ERCC6L: variants seen among roughly 807,000 people sequenced by gnomAD.
ERCC6L encodes the protein ERCC excision repair 6 like, spindle assembly checkpoint helicase.
ERCC6L carries 7 observed loss-of-function variants against 20.1 expected under a neutral mutation model. The observed-to-expected ratio is 0.35, with a 90% CI of 0.20 to 0.65. ERCC6L has a LOEUF of 0.65. Ranked by LOEUF, ERCC6L falls within the 30% of genes least tolerant of loss-of-function variation. The pLI is 0.69. For missense variants in ERCC6L, 592 were observed against 892.4 expected (o/e 0.66, Z 4.29); for synonymous variants, 278 against 331.3 (o/e 0.84, Z 1.75).
Position 72,239,015 on chromosome X carries a change from C to T in ERCC6L, c.-104G>A. 1 of 821,663 alleles carries T rather than the reference C, an allele frequency of 1.2e-6. No individual in the cohort carries two copies. Among genetic ancestry groups the T allele is most frequent in the Non-Finnish European group, 1.7e-6 (1 of 572,622 alleles). 67.7% of individuals were successfully genotyped at this position (821,663 alleles called of 1,213,427 possible). Reference sequence around the variant, plus strand: ...TTTGGAGCTTGAATTTCGCTCACTCCCGCCCCGCGCATGCTCTGTGCGCCG... The same window carrying T: ...TTTGGAGCTTGAATTTCGCTCACTCTCGCCCCGCGCATGCTCTGTGCGCCG... On this transcript the variant is annotated 5_prime_UTR_variant, in exon 1 of 2. Transcript: ENST00000334463.
intron 1 of ERCC6L, among the ~76,000 whole-genome samples, chrX:72,223,212 C>G (rs1482783319): frequency 9.9e-6 from 1 of 100,800 alleles, no homozygotes; most frequent in African/African-American, 3.6e-5. Flanking sequence ...TGGTGGCAGG[C>G]GCCTGTAATC....
intron 1 of ERCC6L, among the ~76,000 whole-genome samples, chrX:72,212,982 G>T (rs1281795030): frequency 8.9e-6 from 1 of 112,112 alleles, no homozygotes; most frequent in Non-Finnish European, 1.9e-5. Context: ...AGAACTGAAT[G>T]CAAAGACCCT....
intron 1 of ERCC6L, among the ~76,000 whole-genome samples, chrX:72,230,504 C>CA (rs1010955723): frequency 8.9e-6 from 1 of 112,234 alleles, no homozygotes; most frequent in Middle Eastern, 4.6e-3. Flanking sequence ...CACTCCTGAC[C>CA]AAAAATCGGC....
chrX:72,212,269 CA>C (rs201108348), intron 1 of ERCC6L, among the ~76,000 whole-genome samples: 2 of 105,917 alleles, frequency 1.9e-5, no homozygotes, highest in Non-Finnish European at 1.9e-5. Context: ...GACCCCATCT[CA>C]AAAAAAATAA....
chrX:72,219,426 C>T (rs955159420), intron 1 of ERCC6L, among the ~76,000 whole-genome samples: 4 of 108,584 alleles, frequency 3.7e-5, no homozygotes, highest in East Asian at 5.7e-4. Context: ...TGGTGGCCTG[C>T]GCCTGAAATC....
At position 72,232,276 on chromosome X, in the gene ERCC6L, A is replaced by T. The variant is rs1416682483; in HGVS notation, c.68+6568T>A. Among the ~76,000 whole-genome samples the T allele has an allele frequency of 1.2e-4, 5 of 43,472 alleles. No individual in the cohort carries two copies. In the East Asian group the frequency reaches 0.19, roughly 1,610 times the overall value. The allele number at this position is 43,472 out of a possible 115,157, so 37.8% of individuals were successfully genotyped here. A position where few individuals can be genotyped will look rare whatever the true frequency, so the allele number is the denominator to read the frequency against. ...AGATCACCCAAGGAAGGAGTATTAA[A>T]AAAAAAAAAAAAAAAAAAAAAAGAC... On this transcript the variant is annotated intron_variant, in intron 1 of 1. Transcript: ENST00000334463.
In ERCC6L at chrX:72,205,677, G is replaced by A. The variant is rs145632661; in HGVS notation, c.3090C>T (p.Gly1030=). 7 of 1,209,984 alleles carry A rather than the reference G, an allele frequency of 5.8e-6. No individual in the cohort carries two copies. The highest frequency in any genetic ancestry group is 2.3e-4 in the Middle Eastern group (1 of 4,376). The change falls in exon 2 of 2, where the codon GGC becomes GGT. Residue 1030 remains glycine, a synonymous_variant. Coordinates refer to ENST00000334463, the MANE Select transcript of ERCC6L (RefSeq NM_017669.4). ...RSKARRIVSD[G]EDEDDSFKDT... ...CTTTAAAAGAATCATCTTCATCTTC[G>A]CCATCTGAAACAATCCTTCTAGCTT...
chrX:72,222,842 C>A (rs977140273), intron 1 of ERCC6L, among the ~76,000 whole-genome samples: 1 of 106,292 alleles, frequency 9.4e-6, no homozygotes, highest in Non-Finnish European at 1.9e-5. Flanking sequence ...GTGATCCACC[C>A]GCCTCGGCCT....
intron 1 of ERCC6L, among the ~76,000 whole-genome samples, chrX:72,236,725 C>G (rs2043019312): frequency 8.9e-6 from 1 of 112,213 alleles, no homozygotes; most frequent in Non-Finnish European, 1.9e-5. Flanking sequence ...AAATGACACA[C>G]AGCAGGCCCT....
At chrX:72,210,149 T>G (rs967189371) in intron 1 of ERCC6L, among the ~76,000 whole-genome samples, 6 of 107,361 alleles carry the variant, frequency 5.6e-5, no homozygotes, top group Non-Finnish European at 9.5e-5. Flanking sequence ...GAGGATCGCT[T>G]GAGGTCAGGA....
intron 1 of ERCC6L, among the ~76,000 whole-genome samples, chrX:72,217,998 C>T (rs1381948193): frequency 2.7e-5 from 3 of 111,322 alleles, no homozygotes; most frequent in East Asian, 2.8e-4. Flanking sequence ...GGGCCGGGCG[C>T]GGTGGCTCAT....
intron 1 of ERCC6L, among the ~76,000 whole-genome samples, chrX:72,221,923 C>T (rs1359052014): frequency 9.1e-6 from 1 of 109,967 alleles, no homozygotes; most frequent in Non-Finnish European, 1.9e-5. Flanking sequence ...CCCCTTCCCT[C>T]GAAACCCCTT....
chrX:72,233,679 G>A (rs1415916486), intron 1 of ERCC6L, among the ~76,000 whole-genome samples: 16 of 100,038 alleles, frequency 1.6e-4, no homozygotes, highest in African/African-American at 6.0e-4. Context: ...CCGAGATTGC[G>A]CCACCACACT....
At chrX:72,223,008 A>G (rs1241027985) in intron 1 of ERCC6L, among the ~76,000 whole-genome samples, 1 of 107,897 alleles carries the variant, frequency 9.3e-6, no homozygotes, top group Non-Finnish European at 1.9e-5. Context: ...TTATTTCCCA[A>G]TCTGCCCCAG....
intron 1 of ERCC6L, among the ~76,000 whole-genome samples, chrX:72,229,268 C>A (rs1294964942): frequency 9.0e-6 from 1 of 111,541 alleles, no homozygotes; most frequent in Non-Finnish European, 1.9e-5. Flanking sequence ...ATCAAACTAA[C>A]CGAGTTAACT....
At chrX:72,220,544 C>T (rs2042916868) in intron 1 of ERCC6L, among the ~76,000 whole-genome samples, 2 of 111,353 alleles carry the variant, frequency 1.8e-5, no homozygotes, top group Admixed American at 1.9e-4. Context: ...CCAAACTCCT[C>T]CCTGACCAGA....
chrX:72,232,909 C>G (rs1056534384), intron 1 of ERCC6L, among the ~76,000 whole-genome samples: 1 of 110,458 alleles, frequency 9.1e-6, no homozygotes, highest in African/African-American at 3.3e-5. Context: ...TCAAGACCAG[C>G]CTGGGCAACA....
chrX:72,224,194 C>T (rs2042941748), intron 1 of ERCC6L, among the ~76,000 whole-genome samples: 2 of 111,251 alleles, frequency 1.8e-5, no homozygotes, highest in Non-Finnish European at 3.8e-5. Context: ...TCAAGGCCCA[C>T]TAGAATGTTC....
chrX:72,229,234 T>A (rs2042969769), intron 1 of ERCC6L, among the ~76,000 whole-genome samples: 1 of 111,194 alleles, frequency 9.0e-6, no homozygotes, highest in Non-Finnish European at 1.9e-5. Flanking sequence ...AACCGTACTA[T>A]CATTATTAAA....
Sources: allele counts gnomAD v4.1 joint callset (sites outside exome capture counted in the v4.1 genomes callset), GRCh38; gene constraint gnomAD v4.1.1; transcripts MANE v1.5; gene names NCBI Gene and HGNC (gene_info 2026-07-23, HGNC 2026-07-21).